Variants in SLC5A4 observed in about 807,000 individuals in gnomAD.
SLC5A4 encodes the protein probable glucose sensor protein SLC5A4.
SLC5A4 carries 55 observed loss-of-function variants against 70.3 expected under a neutral mutation model. The observed-to-expected ratio is 0.78, with a 90% CI of 0.63 to 0.98. The LOEUF is 0.98. Among genes scored for constraint, SLC5A4 ranks in the 50% least tolerant of loss-of-function variants. SLC5A4 has a pLI of 0.00. For synonymous variants in SLC5A4, 268 were observed against 305.7 expected (o/e 0.88, Z 1.29); for missense variants, 735 against 839.2 (o/e 0.88, Z 1.53).
chr22:32,324,404 TG>T, the SLC5A4 span, among the ~76,000 whole-genome samples: 1 of 152,160 alleles, frequency 6.6e-6, no homozygotes, highest in African/African-American at 2.4e-5. Context: ...ATGTCTTAGC[TG>T]GGCCTCAGGG....
chr22:32,249,559 A>G (rs1248110249), intron 3 of SLC5A4, among the ~76,000 whole-genome samples: 1 of 152,206 alleles, frequency 6.6e-6, no homozygotes, highest in African/African-American at 2.4e-5. Context: ...AAGTAAATGT[A>G]GGGGCAAAAT....
the SLC5A4 span, among the ~76,000 whole-genome samples, chr22:32,305,988 G>C: frequency 6.6e-6 from 1 of 152,062 alleles, no homozygotes; most frequent in Non-Finnish European, 1.5e-5. Flanking sequence ...CACGTGCCCA[G>C]TTCCCCCTAA....
the SLC5A4 span, chr22:32,270,464 AG>A: frequency 1.0e-6 from 1 of 971,152 alleles, no homozygotes. Flanking sequence ...CCCAAGGGGG[AG>A]GGCACGGAGC....
chr22:32,346,583 G>T, the SLC5A4 span, among the ~76,000 whole-genome samples: 1 of 141,972 alleles, frequency 7.0e-6, no homozygotes, highest in East Asian at 2.1e-4. Flanking sequence ...TGACAAACCT[G>T]AGAAAAACAA....
the SLC5A4 span, among the ~76,000 whole-genome samples, chr22:32,332,103 C>T: frequency 1.3e-5 from 2 of 152,234 alleles, no homozygotes; most frequent in South Asian, 2.1e-4. Context: ...CCACCACCCT[C>T]GGCCAAGCCG....
the SLC5A4 span, among the ~76,000 whole-genome samples, chr22:32,286,175 GA>G: frequency 1.3e-5 from 2 of 152,152 alleles, no homozygotes; most frequent in Non-Finnish European, 2.9e-5. Context: ...CCACTGTATT[GA>G]AATGCTACTT....
At chr22:32,234,749 C>T (rs370745210) in intron 8 of SLC5A4, 124 bp downstream of exon 8, 11 of 771,022 alleles carry the variant, frequency 1.4e-5, no homozygotes, top group African/African-American at 1.0e-4. Context: ...ACTCTTTAAA[C>T]GATGTGTGTG....
upstream of SLC5A4, among the ~76,000 whole-genome samples, chr22:32,258,114 G>A (rs138911119): frequency 1.9e-3 from 296 of 152,014 alleles, 2 homozygotes; most frequent in African/African-American, 6.7e-3. Flanking sequence ...TCAGCCTCCC[G>A]AGTTGCTGGG....
chr22:32,352,383 G>T, the SLC5A4 span, among the ~76,000 whole-genome samples: 9 of 150,428 alleles, frequency 6.0e-5, no homozygotes, highest in Non-Finnish European at 8.8e-5. Flanking sequence ...AAACATGCAC[G>T]TTGTGCTCAT....
chr22:32,301,566 T>TA, the SLC5A4 span, among the ~76,000 whole-genome samples: 3 of 152,246 alleles, frequency 2.0e-5, no homozygotes, highest in Admixed American at 2.0e-4. Flanking sequence ...TTGGAATACT[T>TA]AATATTGTTA....
At chr22:32,272,693 G>A in the SLC5A4 span, 1 of 536,308 alleles carries the variant, frequency 1.9e-6, no homozygotes, top group Non-Finnish European at 3.5e-6. Flanking sequence ...TGCTGCGCTG[G>A]GCAGACTTCC....
intron 13 of SLC5A4, among the ~76,000 whole-genome samples, chr22:32,222,214 A>G (rs1363713892): frequency 1.3e-5 from 2 of 152,180 alleles, no homozygotes; most frequent in Non-Finnish European, 2.9e-5. Context: ...TAAGATTCCT[A>G]ATCATGTCTT....
At chr22:32,346,113 T>C in the SLC5A4 span, among the ~76,000 whole-genome samples, 8 of 152,306 alleles carry the variant, frequency 5.3e-5, 1 homozygote, top group African/African-American at 1.7e-4. Flanking sequence ...GGGAACAAAA[T>C]TGGTATTAAT....
chr22:32,233,146 T>A (rs1452464379), intron 8 of SLC5A4, 112 bp from the exon 9 acceptor site: 1 of 1,161,146 alleles, frequency 8.6e-7, no homozygotes, highest in African/African-American at 1.5e-5. Flanking sequence ...TGGACCAGTA[T>A]ACCAAAGAGC....
the SLC5A4 span, among the ~76,000 whole-genome samples, chr22:32,341,521 G>A: frequency 6.6e-6 from 1 of 152,174 alleles, no homozygotes; most frequent in African/African-American, 2.4e-5. Context: ...CTCCTCCCCT[G>A]GCTGACCAGT....
intron 9 of SLC5A4, among the ~76,000 whole-genome samples, chr22:32,231,436 A>G (rs892464139): frequency 6.6e-6 from 1 of 152,254 alleles, no homozygotes; most frequent in Non-Finnish European, 1.5e-5. Context: ...ACAGGAAGTT[A>G]GGTCCTGTGT....
the SLC5A4 span, among the ~76,000 whole-genome samples, chr22:32,281,004 G>C: frequency 2.6e-5 from 4 of 152,184 alleles, no homozygotes; most frequent in African/African-American, 9.7e-5. Flanking sequence ...AAAGGTGGCA[G>C]CATCTATTTG....
At chr22:32,330,971 A>ATGCGGGGCT in the SLC5A4 span, among the ~76,000 whole-genome samples, 1 of 20,124 alleles carries the variant, frequency 5.0e-5, no homozygotes, top group Non-Finnish European at 8.7e-5. Flanking sequence ...TGTTGGGGGC[A>ATGCGGGGCT]CTGGTGTGTG....
chr22:32,304,770 G>A, the SLC5A4 span, among the ~76,000 whole-genome samples: 21 of 152,100 alleles, frequency 1.4e-4, no homozygotes, highest in African/African-American at 4.8e-4. Flanking sequence ...TTCATAGATC[G>A]TGTCTTTGGT....
Sources: allele counts gnomAD v4.1 joint callset (sites outside exome capture counted in the v4.1 genomes callset), GRCh38; gene constraint gnomAD v4.1.1; transcripts MANE v1.5; gene names NCBI Gene and HGNC (gene_info 2026-07-23, HGNC 2026-07-21).